The following RALA variants were observed in gnomAD, a reference collection of about 807,000 sequenced individuals.
RALA encodes RAS like proto-oncogene A, also known as ras-related protein Ral-A.
RALA carries 5 observed loss-of-function variants against 24.0 expected under a neutral mutation model. The ratio of observed to expected loss-of-function variants is 0.21; its 90% confidence interval spans 0.11 to 0.44. RALA has a LOEUF of 0.44. RALA is among the 20% of genes least tolerant of loss of function. The pLI is 0.99. For missense variants in RALA, 95 were observed against 241.2 expected (o/e 0.39, Z 4.01); for synonymous variants, 77 against 83.8 (o/e 0.92, Z 0.44).
At chr7:39,650,593 T>C (rs1239313897) in intron 1 of RALA, among the ~76,000 whole-genome samples, 1 of 152,126 alleles carries the variant, frequency 6.6e-6, no homozygotes, top group Non-Finnish European at 1.5e-5. Flanking sequence ...AGACTTGCAG[T>C]CTCGGTGCTT....
chr7:39,698,361 G>A (rs915789448), intron 4 of RALA, among the ~76,000 whole-genome samples: 4 of 152,090 alleles, frequency 2.6e-5, no homozygotes, highest in Non-Finnish European at 5.9e-5. Flanking sequence ...AGTAACTAGG[G>A]CTTGGGTATT....
chr7:39,663,959 T>G (rs1006649578), intron 1 of RALA, among the ~76,000 whole-genome samples: 1 of 152,212 alleles, frequency 6.6e-6, no homozygotes, highest in African/African-American at 2.4e-5. Flanking sequence ...GTTTGGCTTT[T>G]TAAATGTCAA....
intron 1 of RALA, among the ~76,000 whole-genome samples, chr7:39,669,777 G>A (rs1002275798): frequency 1.3e-5 from 2 of 149,004 alleles, no homozygotes; most frequent in Admixed American, 6.7e-5. Flanking sequence ...CTGCACTCCA[G>A]CCTGGGTGAT....
At chr7:39,624,312 T>TTG (rs1486331464) in intron 1 of RALA, 4 of 130,862 alleles carry the variant, frequency 3.1e-5, no homozygotes, top group Non-Finnish European at 7.1e-5. Flanking sequence ...TTGTTTGTGT[T>TTG]TTTTTTTTTT....
intron 4 of RALA, among the ~76,000 whole-genome samples, chr7:39,699,630 C>T (rs1391648948): frequency 6.6e-6 from 1 of 152,178 alleles, no homozygotes; most frequent in Non-Finnish European, 1.5e-5. Flanking sequence ...GTGCTGATAT[C>T]AGATGATCTT....
At chr7:39,641,352 A>G (rs1051194427) in intron 1 of RALA, among the ~76,000 whole-genome samples, 1 of 152,340 alleles carries the variant, frequency 6.6e-6, no homozygotes, top group East Asian at 1.9e-4. Context: ...AAACAAACAT[A>G]TATGATACTT....
intron 1 of RALA, among the ~76,000 whole-genome samples, chr7:39,639,643 A>T (rs1006406697): frequency 6.6e-6 from 1 of 152,182 alleles, no homozygotes; most frequent in Non-Finnish European, 1.5e-5. Context: ...CTGTGTTTTC[A>T]TGCATTTGTC....
intron 1 of RALA, among the ~76,000 whole-genome samples, chr7:39,645,306 G>A (rs761281028): frequency 1.3e-5 from 2 of 152,214 alleles, no homozygotes; most frequent in Non-Finnish European, 2.9e-5. Context: ...CTGTGTGACA[G>A]TGTGGGAGGT....
chr7:39,651,530 A>C (rs1033680371), intron 1 of RALA, among the ~76,000 whole-genome samples: 1 of 151,940 alleles, frequency 6.6e-6, no homozygotes, highest in Non-Finnish European at 1.5e-5. Flanking sequence ...GTTTGATTAT[A>C]TTGGAGCCTA....
chr7:39,630,799 G>A (rs1791584876), intron 1 of RALA, among the ~76,000 whole-genome samples: 1 of 152,012 alleles, frequency 6.6e-6, no homozygotes, highest in Non-Finnish European at 1.5e-5. Flanking sequence ...ATGCAGTTGG[G>A]TATATTTTTT....
At chr7:39,627,950 C>T (rs556096465) in intron 1 of RALA, among the ~76,000 whole-genome samples, 28 of 152,234 alleles carry the variant, frequency 1.8e-4, no homozygotes, top group African/African-American at 6.5e-4. Context: ...ACCTAACTCT[C>T]TTTTTTCCCC....
chr7:39,698,309 A>G (rs1186174911), intron 4 of RALA, among the ~76,000 whole-genome samples: 1 of 152,178 alleles, frequency 6.6e-6, no homozygotes, highest in Non-Finnish European at 1.5e-5. Flanking sequence ...AGTCCATAGC[A>G]TGCCCTATCA....
chr7:39,686,075 G>A (rs778336764), intron 1 of RALA, among the ~76,000 whole-genome samples: 2 of 152,118 alleles, frequency 1.3e-5, no homozygotes, highest in Non-Finnish European at 2.9e-5. Context: ...GCATGGTGGT[G>A]CGCGCTTGTA....
intron 1 of RALA, among the ~76,000 whole-genome samples, chr7:39,635,729 A>G (rs114443256): frequency 0.012 from 1,839 of 152,302 alleles, 43 homozygotes; most frequent in African/African-American, 0.042. Flanking sequence ...GCTCAGGTGC[A>G]CAGTTCACAA....
chr7:39,672,545 T>C (rs553552386), intron 1 of RALA, among the ~76,000 whole-genome samples: 5 of 151,986 alleles, frequency 3.3e-5, no homozygotes, highest in African/African-American at 1.2e-4. Flanking sequence ...AAAACATGTG[T>C]AGACCTGTAC....
At chr7:39,628,834 C>T (rs766883933) in intron 1 of RALA, among the ~76,000 whole-genome samples, 4 of 152,130 alleles carry the variant, frequency 2.6e-5, no homozygotes, top group African/African-American at 4.8e-5. Context: ...GGATTACAGG[C>T]GTCAGCAACC....
chr7:39,660,904 T>G (rs777172999), intron 1 of RALA, among the ~76,000 whole-genome samples: 2 of 152,216 alleles, frequency 1.3e-5, no homozygotes, highest in Non-Finnish European at 2.9e-5. Context: ...TATATTAGTC[T>G]GTTTTCATGC....
chr7:39,673,898 C>CT (rs1792431298), intron 1 of RALA, among the ~76,000 whole-genome samples: 1 of 151,968 alleles, frequency 6.6e-6, no homozygotes, highest in Non-Finnish European at 1.5e-5. Context: ...AATCCCAGCA[C>CT]TTTGGAAGGC....
At chr7:39,670,361 G>A (rs1168537233) in intron 1 of RALA, among the ~76,000 whole-genome samples, 3 of 152,078 alleles carry the variant, frequency 2.0e-5, no homozygotes, top group Admixed American at 6.5e-5. Flanking sequence ...TGCCCAGGCT[G>A]GTCTCAAACA....
Sources: allele counts gnomAD v4.1 joint callset (sites outside exome capture counted in the v4.1 genomes callset), GRCh38; gene constraint gnomAD v4.1.1; transcripts MANE v1.5; gene names NCBI Gene and HGNC (gene_info 2026-07-23, HGNC 2026-07-21).